The following ELF1 variants were observed in gnomAD, a reference collection of about 807,000 sequenced individuals.
ELF1 encodes the protein ETS-related transcription factor Elf-1.
A neutral mutation model predicts 59.9 loss-of-function variants in ELF1; 24 were observed. That is an observed-to-expected ratio of 0.40 (90% CI 0.29 to 0.56). The LOEUF is 0.56. Among genes scored for constraint, ELF1 ranks in the 20% least tolerant of loss-of-function variants. The pLI is 0.44. For missense variants in ELF1, 627 were observed against 742.2 expected, an observed-to-expected ratio of 0.84 and a Z score of 1.80; for synonymous variants, 248 against 266.2, an observed-to-expected ratio of 0.93 and a Z score of 0.67.
At chr13:41,024,310 TTTTG>T (rs1875798667), upstream of ELF1, among the ~76,000 whole-genome samples, 1 of 151,604 alleles carries the variant, frequency 6.6e-6, no homozygotes, top group Non-Finnish European at 1.5e-5. Flanking sequence ...TGTTTGTTTG[TTTTG>T]GGGGGGGTGG....
chr13:41,015,806 G>A (rs989814849), intron 1 of ELF1, among the ~76,000 whole-genome samples: 1 of 152,110 alleles, frequency 6.6e-6, no homozygotes, highest in African/African-American at 2.4e-5. Context: ...TCAGCAAGAT[G>A]GCCAACTGAA....
At chr13:40,968,086 T>C (rs1872295823) in intron 2 of ELF1, among the ~76,000 whole-genome samples, 1 of 152,224 alleles carries the variant, frequency 6.6e-6, no homozygotes, top group Non-Finnish European at 1.5e-5. Context: ...TTGATACATA[T>C]GTGTGTTCAC....
rs1593383759 is a variant in ELF1, at chr13:40,992,993, C to A, written c.-228-10711G>T. 8.8e-6 allele frequency: 11 copies of A among 1,250,624 alleles called. No individual in the cohort carries two copies. The East Asian group carries it at 2.3e-4, about 26-fold the overall frequency. 77.5% of individuals were successfully genotyped at this position (1,250,624 alleles called of 1,614,324 possible). The stretch of plus-strand genomic sequence containing the variant: ...CTTTCTTTAAGTCTTCACAGGCAAT[C>A]CAGAAAAGTAGGTTCTCTTTGTTGT... On this transcript the variant is annotated intron_variant, in intron 1 of 8. Coordinates refer to ENST00000239882, the MANE Select transcript of ELF1 (RefSeq NM_172373.4).
At chr13:41,060,823 A>G (rs1053658365) in intron 1 of ELF1, 3 of 234,554 alleles carry the variant, frequency 1.3e-5, no homozygotes, top group South Asian at 1.0e-4. Flanking sequence ...GCTATGAGAA[A>G]CTGCCGTGAC....
At chr13:41,058,952 TAACAGAGCGAGAC>T (rs1315857628) in intron 1 of ELF1, among the ~76,000 whole-genome samples, 1 of 152,112 alleles carries the variant, frequency 6.6e-6, no homozygotes, top group Admixed American at 6.5e-5. Flanking sequence ...CAGCCTGGGT[TAACAGAGCGAGAC>T]TCCGTCTCAA....
chr13:40,997,686 T>C (rs2138324087), intron 1 of ELF1, among the ~76,000 whole-genome samples: 1 of 151,868 alleles, frequency 6.6e-6, no homozygotes, highest in African/African-American at 2.4e-5. Flanking sequence ...GCCACCACAC[T>C]CAATATCCTC....
Position 41,006,044 on chromosome 13 carries a change from T to C in ELF1, c.-229+13184A>G, listed in dbSNP as rs74685598. Among the ~76,000 whole-genome samples, 1,500 of 152,320 alleles carry C rather than the reference T, an allele frequency of 9.8e-3. 29 individuals are homozygous for C. Among genetic ancestry groups the C allele is most frequent in the African/African-American group, 0.034 (1,420 of 41,550 alleles). The stretch of plus-strand genomic sequence containing the variant: ...TCATATTTTACTTCACAGAAGTCCA[T>C]CTTCAGCTTCCTGTGACCTCTCTTT... On this transcript the variant is annotated intron_variant, in intron 1 of 8. Coordinates refer to ENST00000239882, the MANE Select transcript of ELF1 (RefSeq NM_172373.4).
At chr13:40,981,866 T>C (rs1873290412) in intron 2 of ELF1, 117 bp downstream of exon 2, 1 of 1,174,678 alleles carries the variant, frequency 8.5e-7, no homozygotes, top group Admixed American at 3.0e-5. Context: ...ATTTCATCTA[T>C]AAATTTTTAC....
intron 1 of ELF1, among the ~76,000 whole-genome samples, chr13:41,043,734 G>A (rs1045587220): frequency 5.3e-5 from 8 of 152,148 alleles, no homozygotes; most frequent in Non-Finnish European, 4.4e-5. Flanking sequence ...GTCAGGTAGC[G>A]TGATGCCTCC....
intron 1 of ELF1, among the ~76,000 whole-genome samples, chr13:41,018,998 TCA>T (rs1217001414): frequency 6.6e-6 from 1 of 152,038 alleles, no homozygotes; most frequent in African/African-American, 2.4e-5. Context: ...AGAAAAAAAA[TCA>T]CAAAGACATA....
Position 41,047,848 on chromosome 13 carries a change from T to C in ELF1, c.-229+12990A>G, listed in dbSNP as rs570424228. ...AAGTCTGCAGAGGTTTCTGCTGCCTTTTGTTTGGCTATGCCCTGCCCCCAG... is the reference window on the plus strand; with the variant it reads ...AAGTCTGCAGAGGTTTCTGCTGCCTCTTGTTTGGCTATGCCCTGCCCCCAG... On this transcript the variant is annotated intron_variant, in intron 1 of 1. Coordinates refer to the ELF1 transcript ENST00000405737. 2.5e-4 allele frequency among the ~76,000 whole-genome samples: 38 copies of C among 152,298 alleles called. No individual in the cohort carries two copies. The East Asian group carries it at 6.0e-3, about 24-fold the overall frequency.
chr13:41,041,908 C>T (rs1179201079), intron 1 of ELF1, among the ~76,000 whole-genome samples: 1 of 152,134 alleles, frequency 6.6e-6, no homozygotes, highest in Non-Finnish European at 1.5e-5. Flanking sequence ...TCCCGGAATA[C>T]CATATTTAGA....
intron 8 of ELF1, among the ~76,000 whole-genome samples, chr13:40,934,801 C>A (rs1176076519): frequency 6.6e-6 from 1 of 152,202 alleles, no homozygotes; most frequent in Non-Finnish European, 1.5e-5. Flanking sequence ...TGTATTCAAC[C>A]TGTTTTTACA....
intron 2 of ELF1, among the ~76,000 whole-genome samples, chr13:40,967,712 C>T (rs891202817): frequency 1.6e-4 from 25 of 152,142 alleles, no homozygotes; most frequent in African/African-American, 5.8e-4. Context: ...CTGCCTCAGT[C>T]TCCCAAGTAG....
chr13:41,060,912 G>A, exon 1 of ELF1: 1 of 263,150 alleles, frequency 3.8e-6, no homozygotes, highest in Admixed American at 5.6e-5. Context: ...TGAAGCTGCT[G>A]CTGCCGCCGC....
intron 8 of ELF1, among the ~76,000 whole-genome samples, chr13:40,937,673 G>A (rs1869872173): frequency 6.6e-6 from 1 of 152,130 alleles, no homozygotes; most frequent in East Asian, 1.9e-4. Flanking sequence ...TTTTCACCAT[G>A]TTGGGAAGGC....
chr13:40,991,204 T>C (rs7994140), intron 1 of ELF1, among the ~76,000 whole-genome samples: 83,250 of 152,052 alleles, frequency 0.55, 25,903 homozygotes, highest in Non-Finnish European at 0.69. Flanking sequence ...TAAGGAAACA[T>C]GACAACTAAA....
intron 1 of ELF1, among the ~76,000 whole-genome samples, chr13:41,042,673 G>GTATA (rs1289083831): frequency 6.6e-6 from 1 of 152,158 alleles, no homozygotes; most frequent in Non-Finnish European, 1.5e-5. Context: ...ATTCCATGGT[G>GTATA]TATATGTGCC....
At chr13:41,046,392 C>T (rs889663512) in intron 1 of ELF1, among the ~76,000 whole-genome samples, 16 of 152,178 alleles carry the variant, frequency 1.1e-4, no homozygotes, top group Non-Finnish European at 1.6e-4. Context: ...ATGGTCTCTA[C>T]AATTTGGCAT....
Sources: allele counts gnomAD v4.1 joint callset (sites outside exome capture counted in the v4.1 genomes callset), GRCh38; gene constraint gnomAD v4.1.1; transcripts MANE v1.5; gene names NCBI Gene and HGNC (gene_info 2026-07-23, HGNC 2026-07-21).